Variants in TMED8 observed in about 807,000 individuals in gnomAD.
The protein encoded by TMED8 is transmembrane p24 trafficking protein family member 8.
TMED8 carries 15 observed loss-of-function variants against 32.7 expected under a neutral mutation model. The observed-to-expected ratio is 0.46, with a 90% confidence interval of 0.31 to 0.71. The LOEUF (loss-of-function observed/expected upper bound fraction) is 0.71, where lower values mean the gene tolerates loss of function less well. TMED8 is among the 30% of genes least tolerant of loss of function. The pLI is 0.06. For synonymous variants in TMED8, 147 were observed against 161.4 expected, an observed-to-expected ratio of 0.91 and a Z score of 0.68; for missense variants, 390 against 423.9, an observed-to-expected ratio of 0.92 and a Z score of 0.70.
Position 77,338,358 on chromosome 14 carries a change from G to T in TMED8, c.*3413C>A, listed in dbSNP as rs902658776. 2.0e-5 allele frequency: 3 copies of T among 152,148 alleles called. No homozygotes were observed. The highest frequency in any genetic ancestry group is 7.2e-5 in the African/African-American group (3 of 41,414). 9.4% of individuals were successfully genotyped at this position (152,148 alleles called of 1,614,324 possible). A position where few individuals can be genotyped will look rare whatever the true frequency, so the allele number is the denominator to read the frequency against. On this transcript the variant is annotated 3_prime_UTR_variant, in exon 6 of 6. Transcript: ENST00000216468. ...TCTGGAGAGTCTGACACCTTTTAAG[G>T]CCTAAAAAGAAAAATTCATCATCTG...
At chr14:77,375,200 C>A (rs1893784008) in intron 1 of TMED8, among the ~76,000 whole-genome samples, 1 of 151,810 alleles carries the variant, frequency 6.6e-6, no homozygotes, top group Admixed American at 6.6e-5. Context: ...TTGCTCTGGG[C>A]TACTATAATA....
chr14:77,372,299 T>C (rs1893692935), intron 1 of TMED8, among the ~76,000 whole-genome samples: 1 of 152,236 alleles, frequency 6.6e-6, no homozygotes, highest in Non-Finnish European at 1.5e-5. Flanking sequence ...ATTCTGATCA[T>C]GCTAGGGATT....
intron 1 of TMED8, among the ~76,000 whole-genome samples, chr14:77,369,143 A>G (rs1230045440): frequency 3.3e-5 from 5 of 152,194 alleles, no homozygotes; most frequent in Non-Finnish European, 5.9e-5. Context: ...TCCCAGAAAC[A>G]TTTACCTTAC....
At chr14:77,352,514 G>A (rs1039859783) in intron 1 of TMED8, among the ~76,000 whole-genome samples, 20 of 152,126 alleles carry the variant, frequency 1.3e-4, no homozygotes, top group Admixed American at 1.2e-3. Flanking sequence ...CGAGGTGGGC[G>A]GATCACTTGA....
intron 2 of TMED8, among the ~76,000 whole-genome samples, chr14:77,350,364 T>A (rs1419560994): frequency 1.3e-5 from 2 of 152,226 alleles, no homozygotes; most frequent in Non-Finnish European, 2.9e-5. Flanking sequence ...TGTTCATTTG[T>A]GGTTTCTTTA....
At chr14:77,373,109 T>G (rs1893735705) in intron 1 of TMED8, among the ~76,000 whole-genome samples, 1 of 149,370 alleles carries the variant, frequency 6.7e-6, no homozygotes, top group Non-Finnish European at 1.5e-5. Context: ...GGGACAGATA[T>G]GAAATATTTT....
chr14:77,351,125 T>C (rs1893164962), intron 2 of TMED8, among the ~76,000 whole-genome samples: 1 of 152,102 alleles, frequency 6.6e-6, no homozygotes, highest in Non-Finnish European at 1.5e-5. Flanking sequence ...GCATAAGAAG[T>C]AAGCCTCAGG....
Position 77,341,891 on chromosome 14 carries a change from T to G in TMED8, c.858A>C (p.Arg286=). The stretch of plus-strand genomic sequence containing the variant: ...AGTCATGGCTGCCAGCCTGCACGTC[T>G]CGGTGGCTGTCCCGCCGGTACACAG... ...VMPVYRRDSH[R]DVQAGSHDYP... Residue 286 remains arginine (R), a synonymous_variant, in exon 6 of 6, where the codon CGA becomes CGC. Transcript: ENST00000216468. The G allele has an allele frequency of 6.2e-7, 1 of 1,614,020 alleles. No individual in the cohort carries two copies. The highest frequency in any genetic ancestry group is 8.5e-7 in the Non-Finnish European group (1 of 1,180,030).
intron 1 of TMED8, among the ~76,000 whole-genome samples, chr14:77,361,245 G>A (rs1405649307): frequency 6.6e-6 from 1 of 152,142 alleles, no homozygotes; most frequent in Non-Finnish European, 1.5e-5. Flanking sequence ...GCCTCCCAAA[G>A]TGCTGGGATT....
chr14:77,342,505 C>G (rs1480493568), intron 5 of TMED8, among the ~76,000 whole-genome samples: 1 of 152,144 alleles, frequency 6.6e-6, no homozygotes, highest in Non-Finnish European at 1.5e-5. Flanking sequence ...TCCCTGCCCG[C>G]TTGCTGTTCT....
chr14:77,341,578 G>C lies in TMED8; in HGVS notation c.*193C>G, dbSNP rs1277066352. 1 of 609,472 alleles carries C rather than the reference G, an allele frequency of 1.6e-6. No homozygotes were observed. Among genetic ancestry groups the C allele is most frequent in the East Asian group, 2.8e-5 (1 of 36,018 alleles). 37.8% of individuals were successfully genotyped at this position (609,472 alleles called of 1,614,324 possible). A position where few individuals can be genotyped will look rare whatever the true frequency, so the allele number is the denominator to read the frequency against. On this transcript the variant is annotated 3_prime_UTR_variant, in exon 6 of 6. Coordinates refer to ENST00000216468, the MANE Select transcript of TMED8 (RefSeq NM_213601.3). Reference sequence around the variant, plus strand: ...TATGAGTCAGGGACTACAGAACAGGGGCACTACACCACCACCTGCAGAAGC... The same window carrying C: ...TATGAGTCAGGGACTACAGAACAGGCGCACTACACCACCACCTGCAGAAGC...
Position 77,376,591 on chromosome 14 carries a change from T to G in TMED8, c.118+345A>C. On this transcript the variant is annotated intron_variant, in intron 1 of 5. Transcript: ENST00000216468. This position sits in a 1 kb window ranked among gnomAD's most constrained non-coding sequence, Gnocchi z 4.0. ...GTAGGGTTCGGGTCGGCAGTCTAGA[T>G]GTGATTAGCAGACGGAGGTGGGACC... 1.2e-5 allele frequency: 2 copies of G among 168,878 alleles called. No individual in the cohort carries two copies. Among genetic ancestry groups the G allele is most frequent in the Non-Finnish European group, 2.5e-5 (2 of 79,426 alleles). The allele number at this position is 168,878 out of a possible 1,614,324, so 10.5% of individuals were successfully genotyped here. A position where few individuals can be genotyped will look rare whatever the true frequency, so the allele number is the denominator to read the frequency against.
intron 1 of TMED8, among the ~76,000 whole-genome samples, chr14:77,372,985 A>T (rs2139641617): frequency 1.3e-4 from 3 of 23,494 alleles, no homozygotes; most frequent in Non-Finnish European, 2.8e-4. Flanking sequence ...TTTTTTTTTG[A>T]GACAGCGTCT....
chr14:77,335,912 T>C lies in TMED8; in HGVS notation c.*5859A>G, dbSNP rs1376041363. 6.6e-6 allele frequency: 1 copy of C among 152,194 alleles called. No individual in the cohort carries two copies. Among genetic ancestry groups the C allele is most frequent in the Non-Finnish European group, 1.5e-5 (1 of 68,022 alleles). 9.4% of individuals were successfully genotyped at this position (152,194 alleles called of 1,614,324 possible). ...GAATTTCTTAGTAAAATGTACTGTT[T>C]AGGATATGAGAGACGGAATTAAGAT... is the stretch of plus-strand genomic sequence containing the variant. On this transcript the variant is annotated 3_prime_UTR_variant, in exon 6 of 6. Coordinates refer to ENST00000216468, the MANE Select transcript of TMED8 (RefSeq NM_213601.3).
At chr14:77,368,187 A>G (rs1893599532) in intron 1 of TMED8, among the ~76,000 whole-genome samples, 1 of 152,238 alleles carries the variant, frequency 6.6e-6, no homozygotes, top group South Asian at 2.1e-4. Flanking sequence ...GTTAAGTCAT[A>G]GAAATTTGAA....
At chr14:77,345,050 C>T (rs1322816522) in intron 3 of TMED8, among the ~76,000 whole-genome samples, 9 of 152,158 alleles carry the variant, frequency 5.9e-5, no homozygotes, top group African/African-American at 1.9e-4. Flanking sequence ...TGCAATGGCA[C>T]GATCTCAGCT....
At chr14:77,353,991 C>A (rs1392629246) in intron 1 of TMED8, among the ~76,000 whole-genome samples, 1 of 152,182 alleles carries the variant, frequency 6.6e-6, no homozygotes, top group East Asian at 1.9e-4. Context: ...CCGACAATAT[C>A]CTTTCCCATA....
intron 1 of TMED8, among the ~76,000 whole-genome samples, chr14:77,375,504 C>T (rs1173078774): frequency 6.6e-6 from 1 of 152,174 alleles, no homozygotes; most frequent in Non-Finnish European, 1.5e-5. Flanking sequence ...GTCTTTTAGA[C>T]ATTATGCTTA....
Position 77,337,462 on chromosome 14 carries a change from C to T in TMED8, c.*4309G>A, listed in dbSNP as rs993806035. ...GGAGTGCAGTGGCATGATCTCGGCT[C>T]GCTGCAACCTCTGCCTCCTGGGCTC... On this transcript the variant is annotated 3_prime_UTR_variant, in exon 6 of 6. Coordinates refer to ENST00000216468, the MANE Select transcript of TMED8 (RefSeq NM_213601.3). The T allele has an allele frequency of 4.6e-5, 7 of 151,968 alleles. No homozygotes were observed. Among genetic ancestry groups the T allele is most frequent in the Admixed American group, 1.3e-4 (2 of 15,266 alleles). 9.4% of individuals were successfully genotyped at this position (151,968 alleles called of 1,614,324 possible).
Sources: gnomAD v4.1 joint callset for allele counts (sites outside exome capture counted in the v4.1 genomes callset) on GRCh38, gnomAD v4.1.1 for gene constraint, Gnocchi (gnomAD v3.1) non-coding constraint, MANE v1.5 for transcripts, NCBI Gene and HGNC (gene_info 2026-07-23, HGNC 2026-07-21) for gene names.